Variants in STXBP5L observed in about 807,000 individuals in gnomAD.
The protein encoded by STXBP5L is syntaxin binding protein 5L.
In STXBP5L, 65 loss-of-function variants were observed where a neutral mutation model predicts 144.5. The observed-to-expected ratio is 0.45, with a 90% confidence interval of 0.37 to 0.55. The LOEUF (loss-of-function observed/expected upper bound fraction) is 0.55, where lower values mean the gene tolerates loss of function less well. Ranked by LOEUF, STXBP5L falls within the 20% of genes least tolerant of loss-of-function variation. The pLI, the probability that STXBP5L is intolerant of heterozygous loss-of-function variation, is 0.00. For synonymous variants in STXBP5L, 505 were observed against 469.6 expected (o/e 1.08, Z -0.97); for missense variants, 1,298 against 1,405.5 (o/e 0.92, Z 1.22).
At chr3:121,161,610 G>A (rs1429306481) in intron 9 of STXBP5L, among the ~76,000 whole-genome samples, 1 of 151,856 alleles carries the variant, frequency 6.6e-6, no homozygotes, top group East Asian at 1.9e-4. Context: ...CTCAAGATTA[G>A]CACTGTTGAT....
intron 9 of STXBP5L, among the ~76,000 whole-genome samples, chr3:121,170,451 T>A (rs185920293): frequency 6.6e-6 from 1 of 152,090 alleles, no homozygotes; most frequent in African/African-American, 2.4e-5. Flanking sequence ...CTAGTCAGAC[T>A]AATAAAGAAG....
intron 5 of STXBP5L, among the ~76,000 whole-genome samples, chr3:121,094,065 C>G (rs1477682924): frequency 6.6e-6 from 1 of 152,110 alleles, no homozygotes; most frequent in Non-Finnish European, 1.5e-5. Flanking sequence ...GTTCAATTTT[C>G]ATGTAGTTGA....
chr3:121,038,449 G>A (rs1210766193), intron 3 of STXBP5L, among the ~76,000 whole-genome samples: 3 of 151,754 alleles, frequency 2.0e-5, no homozygotes, highest in East Asian at 1.9e-4. Context: ...TTCAATTGTG[G>A]TCAGAAACTA....
At chr3:121,051,633 A>C (rs545549261) in intron 5 of STXBP5L, among the ~76,000 whole-genome samples, 82 of 152,300 alleles carry the variant, frequency 5.4e-4, no homozygotes, top group African/African-American at 2.0e-3. Flanking sequence ...AAGAGAAAGC[A>C]GGAAAGATCC....
chr3:121,384,620 T>C (rs2046386725), intron 22 of STXBP5L, among the ~76,000 whole-genome samples: 1 of 151,896 alleles, frequency 6.6e-6, no homozygotes, highest in African/African-American at 2.4e-5. Context: ...GATGGAAAAA[T>C]AGGCAGGGAA....
chr3:120,987,865 A>G (rs967118397), intron 3 of STXBP5L, among the ~76,000 whole-genome samples: 3 of 151,852 alleles, frequency 2.0e-5, no homozygotes, highest in South Asian at 4.1e-4. Context: ...AGTTTTTGTG[A>G]CAAATTCTTG....
intron 2 of STXBP5L, among the ~76,000 whole-genome samples, chr3:120,911,279 A>C (rs1465813619): frequency 1.3e-5 from 2 of 152,124 alleles, no homozygotes. Context: ...ATAATGGAAT[A>C]CATAGTTATC....
intron 3 of STXBP5L, among the ~76,000 whole-genome samples, chr3:121,016,596 G>A (rs1945162488): frequency 6.6e-6 from 1 of 152,168 alleles, no homozygotes; most frequent in Non-Finnish European, 1.5e-5. Flanking sequence ...CTGGTGAATA[G>A]AATATCCAAT....
chr3:121,373,625 G>T (rs914323878), intron 20 of STXBP5L, among the ~76,000 whole-genome samples: 6 of 152,140 alleles, frequency 3.9e-5, no homozygotes, highest in African/African-American at 1.2e-4. Context: ...ACATCCCAGG[G>T]AGCAGGTGAT....
intron 3 of STXBP5L, among the ~76,000 whole-genome samples, chr3:121,018,555 A>T (rs111829398): frequency 3.3e-5 from 5 of 150,526 alleles, no homozygotes; most frequent in Admixed American, 6.6e-5. Flanking sequence ...ATGCAGACAC[A>T]GTCCTTACAT....
chr3:121,259,075 G>T lies in STXBP5L; in HGVS notation c.1865G>T (p.Gly622Val). 6.2e-7 allele frequency: 1 copy of T among 1,606,400 alleles called. No homozygotes were observed. The highest frequency in any genetic ancestry group is 8.5e-7 in the Non-Finnish European group (1 of 1,175,418). ...VKTRPVRMPP[G>V]YQAELVIQLV... ...ACACGGCCAGTGCGAATGCCTCCAG[G>T]ATATCAAGCAGAACTTGTTATTCAA... The change falls in exon 18 of 27, where the codon GGA becomes GTA. Residue 622 changes from glycine (G) to valine (V), a missense_variant. Physicochemically the swap from Gly to Val is moderately radical, Grantham distance 109. Transcript: ENST00000471454.
At chr3:121,087,581 T>A (rs927142110) in intron 5 of STXBP5L, among the ~76,000 whole-genome samples, 2 of 152,104 alleles carry the variant, frequency 1.3e-5, no homozygotes, top group Admixed American at 6.6e-5. Flanking sequence ...AAAGTGTATT[T>A]CTTATAGACA....
At chr3:121,074,613 G>T (rs1231769162) in intron 5 of STXBP5L, among the ~76,000 whole-genome samples, 1 of 152,068 alleles carries the variant, frequency 6.6e-6, no homozygotes, top group African/African-American at 2.4e-5. Flanking sequence ...GGCAGCTTGA[G>T]AAATAATTTC....
At chr3:120,994,703 G>A (rs1344270958) in intron 3 of STXBP5L, among the ~76,000 whole-genome samples, 1 of 151,782 alleles carries the variant, frequency 6.6e-6, no homozygotes, top group South Asian at 2.1e-4. Flanking sequence ...GTTGATTTTT[G>A]CATCTTTTTT....
intron 5 of STXBP5L, among the ~76,000 whole-genome samples, chr3:121,080,808 G>T (rs1417595577): frequency 1.3e-5 from 2 of 152,106 alleles, no homozygotes; most frequent in Non-Finnish European, 2.9e-5. Flanking sequence ...AATTGTTGTA[G>T]TCACATTGTT....
chr3:121,209,860 C>A (rs554900406), intron 10 of STXBP5L, among the ~76,000 whole-genome samples: 178 of 152,274 alleles, frequency 1.2e-3, no homozygotes, highest in Non-Finnish European at 1.6e-3. Context: ...GGCTCCAAGT[C>A]TTTGCTATTG....
chr3:121,374,253 C>A (rs1441132416), intron 20 of STXBP5L, among the ~76,000 whole-genome samples: 1 of 152,158 alleles, frequency 6.6e-6, no homozygotes. Context: ...CCATCCAGAA[C>A]CAAAGCCAAA....
intron 9 of STXBP5L, among the ~76,000 whole-genome samples, chr3:121,195,691 C>T (rs1286315574): frequency 6.6e-6 from 1 of 152,202 alleles, no homozygotes. Flanking sequence ...GATTGCGTGA[C>T]TCATCCAAGG....
chr3:121,221,763 T>C (rs902805771), intron 10 of STXBP5L, among the ~76,000 whole-genome samples: 2 of 151,770 alleles, frequency 1.3e-5, no homozygotes, highest in African/African-American at 2.4e-5. Flanking sequence ...TAAGTTAGAG[T>C]ATTTTTGTTT....
Sources: allele counts gnomAD v4.1 joint callset (sites outside exome capture counted in the v4.1 genomes callset), GRCh38; gene constraint gnomAD v4.1.1; transcripts MANE v1.5; gene names NCBI Gene and HGNC (gene_info 2026-07-23, HGNC 2026-07-21).